LSAMP: variants seen among roughly 807,000 people sequenced by gnomAD.
LSAMP encodes the protein limbic system-associated membrane protein.
Under a neutral mutation model 38.6 loss-of-function variants are expected in LSAMP, and 7 were observed. The observed-to-expected ratio is 0.18, with a 90% CI of 0.10 to 0.34. The LOEUF (loss-of-function observed/expected upper bound fraction) is 0.34. Among genes scored for constraint, LSAMP ranks in the 10% least tolerant of loss-of-function variants. The pLI is 1.00. For synonymous variants in LSAMP, 154 were observed against 166.8 expected, an observed-to-expected ratio of 0.92 and a Z score of 0.59; for missense variants, 313 against 420.0, an observed-to-expected ratio of 0.75 and a Z score of 2.23.
chr3:116,391,814 C>T (rs2048703473), intron 1 of LSAMP, among the ~76,000 whole-genome samples: 1 of 152,162 alleles, frequency 6.6e-6, no homozygotes, highest in African/African-American at 2.4e-5. Context: ...ACTGCACTCA[C>T]CCCCAACTGA....
In LSAMP at chr3:116,183,506, G is replaced by A. The variant is rs548227654; in HGVS notation, c.156-96950C>T. Among the ~76,000 whole-genome samples the A allele has an allele frequency of 2.0e-5, 3 of 151,860 alleles. No individual in the cohort carries two copies. In the South Asian group the frequency reaches 6.2e-4, roughly 31 times the overall value. ...ATGGGCCCTTGAAGTAGATAGAAAT[G>A]GGTATGTACATCAGTCTCAACTTTT... On this transcript the variant is annotated intron_variant, in intron 1 of 6. Transcript: ENST00000490035.
intron 1 of LSAMP, among the ~76,000 whole-genome samples, chr3:116,193,356 A>G (rs1405029487): frequency 6.6e-6 from 1 of 152,154 alleles, no homozygotes; most frequent in Non-Finnish European, 1.5e-5. Context: ...CCATCTATGG[A>G]GTTATTTGTC....
chr3:115,870,111 C>T (rs1935989388), intron 3 of LSAMP, among the ~76,000 whole-genome samples: 1 of 152,046 alleles, frequency 6.6e-6, no homozygotes, highest in African/African-American at 2.4e-5. Flanking sequence ...TTTACTTGGA[C>T]ACAGCCATGC....
At position 116,411,706 on chromosome 3, in the gene LSAMP, G is replaced by A. The variant is rs528554156; in HGVS notation, c.155+33171C>T. Among the ~76,000 whole-genome samples, 79 of 150,550 alleles carry A rather than the reference G, an allele frequency of 5.2e-4. No individual in the cohort carries two copies. The South Asian group carries it at 5.3e-3, about 10-fold the overall frequency. Reference sequence around the variant, plus strand: ...ACGAGTTAATGGGTGCAGCACACCAGCATGGCACATGTATACATATGTAAC... The same window carrying A: ...ACGAGTTAATGGGTGCAGCACACCAACATGGCACATGTATACATATGTAAC... On this transcript the variant is annotated intron_variant, in intron 1 of 6. Transcript: ENST00000490035.
At chr3:116,206,345 A>G (rs1185426988) in intron 1 of LSAMP, among the ~76,000 whole-genome samples, 1 of 150,562 alleles carries the variant, frequency 6.6e-6, no homozygotes, top group Non-Finnish European at 1.5e-5. Context: ...TGATCCTTTC[A>G]AAAAACCAGC....
chr3:116,332,110 G>A (rs2047860699), intron 1 of LSAMP, among the ~76,000 whole-genome samples: 1 of 152,040 alleles, frequency 6.6e-6, no homozygotes, highest in Non-Finnish European at 1.5e-5. Context: ...AAAGTGCTGG[G>A]ATTACAGGCA....
At chr3:116,158,613 A>G (rs2107535272) in intron 1 of LSAMP, among the ~76,000 whole-genome samples, 1 of 152,292 alleles carries the variant, frequency 6.6e-6, no homozygotes, top group Non-Finnish European at 1.5e-5. Flanking sequence ...CTACAAAAAG[A>G]ATAAAATATC....
chr3:115,977,729 C>CAA (rs56833385), intron 3 of LSAMP, among the ~76,000 whole-genome samples: 4,807 of 129,648 alleles, frequency 0.037, 136 homozygotes, highest in African/African-American at 0.068. Flanking sequence ...AACAGAACAC[C>CAA]AAAAAAAAAA....
chr3:115,919,547 G>A (rs552769428), intron 3 of LSAMP, among the ~76,000 whole-genome samples: 6 of 152,236 alleles, frequency 3.9e-5, no homozygotes, highest in Non-Finnish European at 5.9e-5. Flanking sequence ...GGTCTGGGGT[G>A]TGAACATTAT....
intron 1 of LSAMP, among the ~76,000 whole-genome samples, chr3:116,104,449 T>C (rs1441805622): frequency 4.0e-5 from 6 of 150,264 alleles, no homozygotes; most frequent in African/African-American, 1.5e-4. Context: ...GGCTTGCACC[T>C]CATGTTCTTC....
chr3:116,137,417 A>G (rs1559756800), intron 1 of LSAMP, among the ~76,000 whole-genome samples: 1 of 152,164 alleles, frequency 6.6e-6, no homozygotes, highest in Non-Finnish European at 1.5e-5. Context: ...TTAACAAGTA[A>G]TAAACATTTC....
At chr3:116,048,473 A>G (rs1941334542) in intron 2 of LSAMP, among the ~76,000 whole-genome samples, 1 of 152,242 alleles carries the variant, frequency 6.6e-6, no homozygotes, top group Non-Finnish European at 1.5e-5. Flanking sequence ...ACAAAAGCAC[A>G]TCTCTGTATA....
intron 2 of LSAMP, among the ~76,000 whole-genome samples, chr3:116,068,012 G>A (rs1707503435): frequency 6.6e-6 from 1 of 152,100 alleles, no homozygotes. Context: ...GAAAAAATAA[G>A]CTGAATACTG....
chr3:116,060,995 C>T (rs1941584839), intron 2 of LSAMP, among the ~76,000 whole-genome samples: 1 of 151,796 alleles, frequency 6.6e-6, no homozygotes, highest in African/African-American at 2.4e-5. Flanking sequence ...AGACAGAAAT[C>T]TATCAGAAGA....
At chr3:116,226,765 G>A (rs189844970) in intron 1 of LSAMP, among the ~76,000 whole-genome samples, 1 of 152,304 alleles carries the variant, frequency 6.6e-6, no homozygotes, top group Admixed American at 6.5e-5. Flanking sequence ...GCTTCATAAA[G>A]TGCATGGCTG....
At chr3:116,047,946 G>A (rs528596224) in intron 2 of LSAMP, among the ~76,000 whole-genome samples, 3 of 152,128 alleles carry the variant, frequency 2.0e-5, no homozygotes, top group South Asian at 2.1e-4. Flanking sequence ...TACTCTCATC[G>A]ACTATAGTCA....
chr3:115,859,004 A>G (rs971751639), intron 3 of LSAMP, among the ~76,000 whole-genome samples: 2 of 152,232 alleles, frequency 1.3e-5, no homozygotes, highest in African/African-American at 2.4e-5. Flanking sequence ...GTTCTACACA[A>G]AAATGCTAAG....
At chr3:116,135,778 G>A (rs766634328) in intron 1 of LSAMP, among the ~76,000 whole-genome samples, 5 of 152,130 alleles carry the variant, frequency 3.3e-5, no homozygotes, top group East Asian at 1.9e-4. Flanking sequence ...GTGCTTGTCC[G>A]TTGTTTCGAT....
chr3:116,081,685 A>G (rs1362955779), intron 2 of LSAMP, among the ~76,000 whole-genome samples: 1 of 152,220 alleles, frequency 6.6e-6, no homozygotes, highest in Non-Finnish European at 1.5e-5. Context: ...ATTATTTTAT[A>G]TAACATAATT....
Sources: allele counts gnomAD v4.1 joint callset (sites outside exome capture counted in the v4.1 genomes callset), GRCh38; gene constraint gnomAD v4.1.1; transcripts MANE v1.5; gene names NCBI Gene and HGNC (gene_info 2026-07-23, HGNC 2026-07-21).